The following DMD variants were observed in gnomAD, a reference collection of about 807,000 sequenced individuals.
DMD encodes dystrophin.
In DMD, 63 loss-of-function variants were observed where a neutral mutation model predicts 330.1. That is an observed-to-expected ratio of 0.19 (90% CI 0.16 to 0.24). The LOEUF is 0.24. Ranked by LOEUF, DMD falls within the 10% of genes least tolerant of loss-of-function variation. The probability of loss-of-function intolerance (pLI) is 1.00; values close to 1 mark genes in which losing one functional copy is unlikely to be tolerated. For synonymous variants in DMD, 1,223 were observed against 959.8 expected (o/e 1.27, Z -5.07); for missense variants, 3,344 against 2,684.1 (o/e 1.25, Z -5.43).
intron 47 of DMD, among the ~76,000 whole-genome samples, chrX:31,909,146 C>G (rs1859976574): frequency 8.9e-6 from 1 of 112,285 alleles, no homozygotes; most frequent in Non-Finnish European, 1.9e-5. Flanking sequence ...ATTCATCTAT[C>G]TATTCTGTCT....
At chrX:32,085,217 TATAC>T (rs1304312671) in intron 44 of DMD, among the ~76,000 whole-genome samples, 2 of 111,429 alleles carry the variant, frequency 1.8e-5, no homozygotes, top group African/African-American at 6.5e-5. Context: ...GTGTAAGTTA[TATAC>T]ACACACACAA....
At chrX:33,216,427 A>T (rs2148869921), upstream of DMD, among the ~76,000 whole-genome samples, 1 of 111,077 alleles carries the variant, frequency 9.0e-6, no homozygotes, top group East Asian at 2.8e-4. Context: ...TGGGAACAAG[A>T]GATACTGGGG....
chrX:32,769,457 A>G (rs2073364889), intron 7 of DMD, among the ~76,000 whole-genome samples: 1 of 111,928 alleles, frequency 8.9e-6, no homozygotes. Flanking sequence ...TTGGGTGGGG[A>G]CACAGCCAAA....
intron 55 of DMD, among the ~76,000 whole-genome samples, chrX:31,586,759 T>C (rs770510699): frequency 2.7e-5 from 3 of 112,246 alleles, no homozygotes; most frequent in Non-Finnish European, 3.8e-5. Context: ...GATATGTGTA[T>C]ATTTATATGT....
chrX:32,069,501 G>T lies in DMD; in HGVS notation c.6439-100987C>A, dbSNP rs760509588. ...ACTGTAACTTTCTCGAAGCAGCAGA[G>T]AAAGTTCTGTAAGTCTCCAACCAAG... On this transcript the variant is annotated intron_variant, in intron 44 of 78. Coordinates refer to ENST00000357033, the MANE Select transcript of DMD (RefSeq NM_004006.3). Among the ~76,000 whole-genome samples the T allele has an allele frequency of 1.1e-4, 12 of 111,846 alleles. No homozygotes were observed. The South Asian group carries it at 2.2e-3, about 21-fold the overall frequency.
intron 65 of DMD, 80 bp downstream of exon 65, chrX:31,209,418 T>C: frequency 1.1e-5 from 11 of 972,458 alleles, no homozygotes; most frequent in Non-Finnish European, 1.6e-5. Context: ...GGCCCTGTTG[T>C]AATGCTAATT....
intron 23 of DMD, among the ~76,000 whole-genome samples, chrX:32,466,366 T>C (rs1317570644): frequency 8.9e-6 from 1 of 111,818 alleles, no homozygotes; most frequent in African/African-American, 3.3e-5. Context: ...TATTTCATAA[T>C]CCTTTTTCCT....
chrX:32,980,176 G>A (rs1204827055), intron 2 of DMD, among the ~76,000 whole-genome samples: 1 of 109,083 alleles, frequency 9.2e-6, no homozygotes. Flanking sequence ...GACCAGCCTG[G>A]CCAACGTGGT....
intron 59 of DMD, among the ~76,000 whole-genome samples, chrX:31,445,740 G>C (rs972621029): frequency 9.0e-6 from 1 of 111,309 alleles, no homozygotes; most frequent in Non-Finnish European, 1.9e-5. Context: ...AGGAGTCTCT[G>C]ATGCAATACA....
rs1417990719 is a variant in DMD at position 31,120,137 on chromosome X, A to AGGTCACACGGTGGTATCTATT, written c.*1761_*1781dup. 1.8e-5 allele frequency: 2 copies of AGGTCACACGGTGGTATCTATT among 112,090 alleles called. No individual in the cohort carries two copies. Among genetic ancestry groups the AGGTCACACGGTGGTATCTATT allele is most frequent in the Non-Finnish European group, 3.8e-5 (2 of 53,097 alleles). 9.2% of individuals were successfully genotyped at this position (112,090 alleles called of 1,213,427 possible). ...AGAGGTAACAGATTTGCAAAATTATAGGTCACACGGTGGTATCTATTGAAT... is the reference window on the plus strand; with the variant it reads ...AGAGGTAACAGATTTGCAAAATTATAGGTCACACGGTGGTATCTATTGGTCACACGGTGGTATCTATTGAAT... On this transcript the variant is annotated 3_prime_UTR_variant, in exon 79 of 79. Coordinates refer to ENST00000357033, the MANE Select transcript of DMD (RefSeq NM_004006.3).
intron 54 of DMD, among the ~76,000 whole-genome samples, chrX:31,628,943 A>ATATATATATATATATAT (rs756897440): frequency 1.1e-4 from 8 of 70,641 alleles, no homozygotes; most frequent in Non-Finnish European, 2.0e-4. Flanking sequence ...TATATATATA[A>ATATATATATATATATAT]AATGCATGTA....
chrX:33,218,948 G>C (rs916812887), intron 1 of DMD, among the ~76,000 whole-genome samples: 1 of 110,679 alleles, frequency 9.0e-6, no homozygotes, highest in African/African-American at 3.3e-5. Context: ...ATGTCATGTC[G>C]TTCTATGTCT....
chrX:31,841,199 T>C (rs2093313008), intron 48 of DMD, among the ~76,000 whole-genome samples: 1 of 111,481 alleles, frequency 9.0e-6, no homozygotes, highest in Non-Finnish European at 1.9e-5. Context: ...GGACAGAAGA[T>C]CAAAACAGCC....
chrX:31,676,469 G>T (rs953458339), intron 53 of DMD, among the ~76,000 whole-genome samples: 1 of 110,597 alleles, frequency 9.0e-6, no homozygotes, highest in Admixed American at 9.6e-5. Context: ...ATTTTTTTTC[G>T]CAGTATACTA....
chrX:32,930,129 G>GA (rs970623032), intron 2 of DMD, among the ~76,000 whole-genome samples: 8 of 110,711 alleles, frequency 7.2e-5, no homozygotes, highest in East Asian at 5.6e-4. Flanking sequence ...CTACAGTTGG[G>GA]AAAAAAATCA....
At chrX:31,406,593 T>C (rs893321867) in intron 60 of DMD, among the ~76,000 whole-genome samples, 17 of 111,108 alleles carry the variant, frequency 1.5e-4, no homozygotes, top group Admixed American at 8.7e-4. Flanking sequence ...GATAACATTA[T>C]TGTTTCTGAT....
intron 44 of DMD, among the ~76,000 whole-genome samples, chrX:32,038,623 C>T (rs1382417941): frequency 2.7e-5 from 3 of 110,206 alleles, no homozygotes; most frequent in African/African-American, 9.9e-5. Context: ...AACAAGGTAA[C>T]CCTGGAGGAT....
chrX:32,644,384 G>C, intron 10 of DMD, 71 bp from the exon 11 acceptor site: 5 of 1,083,420 alleles, frequency 4.6e-6, no homozygotes, highest in Non-Finnish European at 6.4e-6. Flanking sequence ...AGTTTTATTT[G>C]TTTGCAGTTT....
rs1254329222 is a variant in DMD, at chrX:31,177,974, C to T, written c.10224-4G>A. ...GAAGTTGATCAGAGTAACGGGACTGCAAAACAAAAAATGAGGTGGTGAAGG... is the reference window on the plus strand; with the variant it reads ...GAAGTTGATCAGAGTAACGGGACTGTAAAACAAAAAATGAGGTGGTGAAGG... On this transcript the variant is annotated splice_polypyrimidine_tract_variant and splice_region_variant and intron_variant, in intron 70 of 78. Coordinates refer to ENST00000357033, the MANE Select transcript of DMD (RefSeq NM_004006.3). 2.5e-6 allele frequency: 3 copies of T among 1,202,961 alleles called. No individual in the cohort carries two copies. The highest frequency in any genetic ancestry group is 2.2e-5 in the Admixed American group (1 of 45,368).
Sources: gnomAD v4.1 joint callset for allele counts (sites outside exome capture counted in the v4.1 genomes callset) on GRCh38, gnomAD v4.1.1 for gene constraint, MANE v1.5 for transcripts, NCBI Gene and HGNC (gene_info 2026-07-23, HGNC 2026-07-21) for gene names.